Variants in ARHGEF4 observed in about 807,000 individuals in gnomAD.
The protein encoded by ARHGEF4 is APC-stimulated guanine nucleotide exchange factor 1.
In ARHGEF4, 119 loss-of-function variants were observed where a neutral mutation model predicts 162.0. The observed-to-expected ratio is 0.73, with a 90% CI of 0.63 to 0.86. The LOEUF (loss-of-function observed/expected upper bound fraction) is 0.86, where lower values mean the gene tolerates loss of function less well. Among genes scored for constraint, ARHGEF4 ranks in the 40% least tolerant of loss-of-function variants. The probability of loss-of-function intolerance (pLI) is 0.00; values close to 1 mark genes in which losing one functional copy is unlikely to be tolerated. For missense variants in ARHGEF4, 2,488 were observed against 2,456.0 expected (o/e 1.01, Z -0.28); for synonymous variants, 1,014 against 979.9 (o/e 1.03, Z -0.65).
intron 1 of ARHGEF4, among the ~76,000 whole-genome samples, chr2:130,897,737 G>A (rs1203768937): frequency 1.3e-5 from 2 of 152,198 alleles, no homozygotes; most frequent in South Asian, 2.1e-4. Context: ...CTGAGGTTCA[G>A]GCAGGTCAGG....
intron 1 of ARHGEF4, among the ~76,000 whole-genome samples, chr2:130,909,498 G>C (rs1361427639): frequency 1.3e-5 from 2 of 152,222 alleles, no homozygotes; most frequent in African/African-American, 4.8e-5. Flanking sequence ...TGGGGAAGGA[G>C]AGGGTGTTGA....
At chr2:130,933,452 C>CA (rs1274239005) in intron 3 of ARHGEF4, among the ~76,000 whole-genome samples, 1 of 151,956 alleles carries the variant, frequency 6.6e-6, no homozygotes, top group African/African-American at 2.4e-5. Context: ...TCCAATTCTG[C>CA]AAAAAAATAA....
chr2:130,880,907 G>A (rs1574149837), intron 1 of ARHGEF4, among the ~76,000 whole-genome samples: 1 of 152,052 alleles, frequency 6.6e-6, no homozygotes, highest in Non-Finnish European at 1.5e-5. Context: ...TATGAGCAGC[G>A]TGGTTTGAAT....
chr2:130,874,516 G>T (rs1678700433), intron 1 of ARHGEF4, among the ~76,000 whole-genome samples: 1 of 152,146 alleles, frequency 6.6e-6, no homozygotes, highest in Non-Finnish European at 1.5e-5. Context: ...TTCCTTAAAG[G>T]GTACTCTGAG....
Position 131,038,913 on chromosome 2 carries a change from G to A in ARHGEF4, c.4186G>A (p.Asp1396Asn), listed in dbSNP as rs145451788. The change falls in exon 6 of 14, where the codon GAC becomes AAC. Residue 1396 changes from aspartate to asparagine, a missense_variant. Around this residue, in one of 6 missense-constraint regions of ARHGEF4, gnomAD observed 174 missense variants for 148.3 expected, o/e 1.17. Coordinates refer to ENST00000409359, the MANE Select transcript of ARHGEF4 (RefSeq NM_001367493.1). ...EALWDHVTMD[D>N]QELGFKAGDV... ...ACTCTGGGACCATGTCACCATGGAC[G>A]ACCAGGAGCTGGGCTTCAAAGCTGG... 27 of 1,613,636 alleles carry A rather than the reference G, an allele frequency of 1.7e-5. No homozygotes were observed. Among genetic ancestry groups the A allele is most frequent in the East Asian group, 2.2e-5 (1 of 44,886 alleles).
In ARHGEF4 at chr2:130,915,481, T is replaced by C. The variant is rs997877859; in HGVS notation, c.1535T>C (p.Leu512Pro). ...QTSNYTSKYV[L>P]SEESKSPTRA... ...AGTAATTACACATCAAAGTATGTGC[T>C]CAGCGAGGAAAGCAAGTCACCTACC... The change falls in exon 2 of 14, where the codon CTC (leucine) becomes CCC (proline). Residue 512 changes from leucine (L) to proline (P), a missense_variant. Coordinates refer to ENST00000409359, the MANE Select transcript of ARHGEF4 (RefSeq NM_001367493.1). 1.3e-6 allele frequency: 2 copies of C among 1,550,470 alleles called. No homozygotes were observed. The highest frequency in any genetic ancestry group is 1.7e-6 in the Non-Finnish European group (2 of 1,146,986).
intron 2 of ARHGEF4, among the ~76,000 whole-genome samples, chr2:130,920,010 T>C (rs992115092): frequency 1.3e-5 from 2 of 152,264 alleles, no homozygotes; most frequent in Non-Finnish European, 2.9e-5. Context: ...GCTCACGTTG[T>C]GCATGGGATG....
At chr2:130,908,415 G>A (rs1299307948) in intron 1 of ARHGEF4, among the ~76,000 whole-genome samples, 1 of 152,352 alleles carries the variant, frequency 6.6e-6, no homozygotes, top group Middle Eastern at 3.4e-3. Context: ...GGTGGCTCAC[G>A]CCTGTAATCC....
intron 1 of ARHGEF4, among the ~76,000 whole-genome samples, chr2:130,838,413 C>T (rs1680355663): frequency 6.6e-6 from 1 of 152,114 alleles, no homozygotes; most frequent in African/African-American, 2.4e-5. Flanking sequence ...CGAGACCAGC[C>T]TGGCCAACAT....
intron 4 of ARHGEF4, among the ~76,000 whole-genome samples, chr2:130,988,893 TATATATATAG>T (rs201782694): frequency 0.018 from 2,080 of 112,920 alleles, 10 homozygotes; most frequent in Middle Eastern, 0.023. Flanking sequence ...TATATATATA[TATATATATAG>T]AGAGAGAGAG....
At chr2:131,037,881 G>A (rs574485418) in intron 5 of ARHGEF4, among the ~76,000 whole-genome samples, 1 of 152,202 alleles carries the variant, frequency 6.6e-6, no homozygotes, top group African/African-American at 2.4e-5. Flanking sequence ...GTCCTGAAGT[G>A]CCTGTCACAG....
chr2:131,019,192 C>G (rs1472536704), intron 4 of ARHGEF4, among the ~76,000 whole-genome samples: 9 of 151,998 alleles, frequency 5.9e-5, no homozygotes, highest in Admixed American at 5.9e-4. Flanking sequence ...GTGGGTGGAT[C>G]ACCTGAGGTT....
intron 4 of ARHGEF4, among the ~76,000 whole-genome samples, chr2:131,022,956 T>A (rs1407582929): frequency 2.7e-5 from 4 of 150,452 alleles, no homozygotes; most frequent in African/African-American, 9.7e-5. Flanking sequence ...TAAAGAACTC[T>A]CTGAGCCAGC....
rs924047243 is a variant in ARHGEF4, at chr2:130,837,290, C to G, written c.39+298C>G. Among the ~76,000 whole-genome samples, 17 of 152,186 alleles carry G rather than the reference C, an allele frequency of 1.1e-4. No homozygotes were observed. The East Asian group carries it at 2.9e-3, about 26-fold the overall frequency. ...GGGCGAGCGCCTGAGCCGGCCTCCC[C>G]GCACCTGGACCGTCCTGGGCGCGCG... On this transcript the variant is annotated intron_variant, in intron 1 of 13. Transcript: ENST00000409359.
chr2:131,041,681 G>GCCCTTTGACCA, intron 9 of ARHGEF4, 134 bp from the exon 10 acceptor site: 1 of 1,291,104 alleles, frequency 7.7e-7, no homozygotes, highest in Non-Finnish European at 1.1e-6. Flanking sequence ...GAGGGGCTGT[G>GCCCTTTGACCA]CATCTGATAG....
At chr2:131,035,256 C>G in intron 5 of ARHGEF4, 1 of 1,223,382 alleles carries the variant, frequency 8.2e-7, no homozygotes, top group Non-Finnish European at 1.0e-6. Context: ...TGCTGGCCTT[C>G]CGCTGAGCGG....
intron 5 of ARHGEF4, among the ~76,000 whole-genome samples, chr2:131,036,597 C>T (rs1265058353): frequency 1.3e-5 from 2 of 152,328 alleles, no homozygotes; most frequent in Admixed American, 1.3e-4. Context: ...ATGCCGGACC[C>T]AGTCCCACCT....
intron 8 of ARHGEF4, 41 bp downstream of exon 8, chr2:131,040,481 C>G (rs755815608): frequency 1.2e-4 from 186 of 1,494,158 alleles, no homozygotes; most frequent in Middle Eastern, 2.0e-4. Flanking sequence ...GCGCTGCGTT[C>G]ACAGAGGCTG....
At chr2:131,000,680 CG>C (rs1443982387) in intron 4 of ARHGEF4, among the ~76,000 whole-genome samples, 1 of 151,908 alleles carries the variant, frequency 6.6e-6, no homozygotes, top group African/African-American at 2.4e-5. Flanking sequence ...TAGGAGTTGA[CG>C]TATTTTATCT....
Sources: gnomAD v4.1 joint callset for allele counts (sites outside exome capture counted in the v4.1 genomes callset) on GRCh38, gnomAD v4.1.1 for gene constraint, gnomAD v4.1.1 regional missense constraint, MANE v1.5 for transcripts, NCBI Gene and HGNC (gene_info 2026-07-23, HGNC 2026-07-21) for gene names.